The following PCDHB2 variants were observed in gnomAD, a reference collection of about 807,000 sequenced individuals.
PCDHB2 encodes protocadherin beta 2, also known as protocadherin beta-2.
For synonymous variants in PCDHB2, 395 were observed against 464.9 expected (o/e 0.85, Z 1.93); for missense variants, 914 against 1,023.1 (o/e 0.89, Z 1.45).
Position 141,095,284 on chromosome 5 carries a change from G to C in PCDHB2, c.494G>C (p.Gly165Ala). 1 of 1,614,074 alleles carries C rather than the reference G, an allele frequency of 6.2e-7. No homozygotes were observed. The highest frequency in any genetic ancestry group is 8.5e-7 in the Non-Finnish European group (1 of 1,179,974). Residue 165 changes from glycine (G) to alanine (A), a missense_variant, in exon 1 of 1, where the codon GGA becomes GCA. Coordinates refer to ENST00000194155, the MANE Select transcript of PCDHB2 (RefSeq NM_018936.4). ...GAACGTGCCCAGGACTTGGATGTAG[G>C]AACCAACAGTCTCCAAAATTACACA... ...LIERAQDLDV[G>A]TNSLQNYTIS...
Position 141,094,982 on chromosome 5 carries a change from G to C in PCDHB2, c.192G>C (p.Arg64Ser). The change falls in exon 1 of 1, where the codon AGG becomes AGC. Residue 64 changes from arginine to serine, a missense_variant. Coordinates refer to ENST00000194155, the MANE Select transcript of PCDHB2 (RefSeq NM_018936.4). The part of the protein sequence containing the change: ...LGLEIGELAV[R>S]GARVVSKGKK... Reference sequence around the variant, plus strand: ...TGGAGATAGGAGAACTTGCTGTGAGGGGGGCCAGGGTCGTTTCCAAAGGAA... The same window carrying C: ...TGGAGATAGGAGAACTTGCTGTGAGCGGGGCCAGGGTCGTTTCCAAAGGAA... The C allele has an allele frequency of 6.2e-7, 1 of 1,613,654 alleles. No individual in the cohort carries two copies. The highest frequency in any genetic ancestry group is 8.5e-7 in the Non-Finnish European group (1 of 1,179,888).
Position 141,095,317 on chromosome 5 carries a change from C to T in PCDHB2, c.527C>T (p.Pro176Leu). ...TNSLQNYTIS[P>L]NFHFHLNLQD... ...AGTCTCCAAAATTACACAATCAGTC[C>T]CAATTTCCACTTTCATCTTAATTTA... is the stretch of plus-strand genomic sequence containing the variant. The change falls in exon 1 of 1, where the codon CCC becomes CTC. Residue 176 changes from proline (P) to leucine (L), a missense_variant. Physicochemically the swap from Pro to Leu is moderately conservative, Grantham distance 98. Coordinates refer to ENST00000194155, the MANE Select transcript of PCDHB2 (RefSeq NM_018936.4). 7 of 1,613,854 alleles carry T rather than the reference C, an allele frequency of 4.3e-6. No homozygotes were observed. The highest frequency in any genetic ancestry group is 5.9e-6 in the Non-Finnish European group (7 of 1,179,878).
At position 141,094,765 on chromosome 5, in the gene PCDHB2, C is replaced by CA. The variant is rs1554271050; in HGVS notation, c.-25dup. 6.6e-7 allele frequency: 1 copy of CA among 1,508,348 alleles called. No homozygotes were observed. The highest frequency in any genetic ancestry group is 2.1e-5 in the Admixed American group (1 of 46,734). 93.4% of individuals were successfully genotyped at this position (1,508,348 alleles called of 1,614,324 possible). Reference sequence around the variant, plus strand: ...GCGACAACGTGAGCCAGAGCTGGAGCACGTTTGGTGAGAGACCAGAAAGCA... The same window carrying CA: ...GCGACAACGTGAGCCAGAGCTGGAGCAACGTTTGGTGAGAGACCAGAAAGCA... On this transcript the variant is annotated 5_prime_UTR_variant, in exon 1 of 1. Coordinates refer to ENST00000194155, the MANE Select transcript of PCDHB2 (RefSeq NM_018936.4).
rs1165090545 is a variant in PCDHB2 at position 141,096,430 on chromosome 5, C to T, written c.1640C>T (p.Ala547Val). Residue 547 changes from alanine to valine, a missense_variant, in exon 1 of 1, where the codon GCG (alanine) becomes GTG (valine). Ala to Val is a moderately conservative substitution (Grantham distance 64, BLOSUM62 0). Transcript: ENST00000194155. The part of the protein sequence containing the change: ...DRGSPALSSE[A>V]LVRVLVLDAN... ...GGCTCCCCGGCGTTGAGCAGCGAGG[C>T]GCTGGTGCGCGTGCTGGTGCTGGAC... 1 of 1,611,568 alleles carries T rather than the reference C, an allele frequency of 6.2e-7. No homozygotes were observed. The highest frequency in any genetic ancestry group is 2.2e-5 in the East Asian group (1 of 44,872).
chr5:141,096,336 T>G lies in PCDHB2; in HGVS notation c.1546T>G (p.Phe516Val). The part of the protein sequence containing the change: ...VSINADNGHL[F>V]ALQSLDYEAL... ...CATCAACGCGGACAACGGCCACCTG[T>G]TCGCTCTCCAGTCGCTGGACTACGA... The change falls in exon 1 of 1, where the codon TTC becomes GTC. Residue 516 changes from phenylalanine (F) to valine (V), a missense_variant. Physicochemically the swap from Phe to Val is conservative, Grantham distance 50 (BLOSUM62 -1). Coordinates refer to ENST00000194155, the MANE Select transcript of PCDHB2 (RefSeq NM_018936.4). The G allele has an allele frequency of 6.2e-7, 1 of 1,613,310 alleles. No individual in the cohort carries two copies. The highest frequency in any genetic ancestry group is 1.1e-5 in the South Asian group (1 of 91,050).
Position 141,095,801 on chromosome 5 carries a change from C to A in PCDHB2, c.1011C>A (p.Val337=), listed in dbSNP as rs1193914192. 3 of 1,613,950 alleles carry A rather than the reference C, an allele frequency of 1.9e-6. No homozygotes were observed. The highest frequency in any genetic ancestry group is 2.5e-6 in the Non-Finnish European group (3 of 1,180,028). The change falls in exon 1 of 1, where the codon GTC becomes GTA. Residue 337 remains valine, a synonymous_variant. Coordinates refer to ENST00000194155, the MANE Select transcript of PCDHB2 (RefSeq NM_018936.4). ...TATCTGGAACTTGTGTGGTATTTGTCCAAGTGATGGATTTGAATGACAATC... is the reference window on the plus strand; with the variant it reads ...TATCTGGAACTTGTGTGGTATTTGTACAAGTGATGGATTTGAATGACAATC... ...GGLSGTCVVF[V]QVMDLNDNPP...
In PCDHB2 at chr5:141,095,097, C is replaced by T; in HGVS notation, c.307C>T (p.Pro103Ser). ...DREELCGPTE[P>S]CVLPFQVLLE... ...GGAGGAGCTGTGCGGCCCCACAGAG[C>T]CCTGTGTCCTACCTTTCCAGGTGTT... The change falls in exon 1 of 1, where the codon CCC becomes TCC. Residue 103 changes from proline (P) to serine (S), a missense_variant. Pro to Ser is a moderately conservative substitution (Grantham distance 74). Coordinates refer to ENST00000194155, the MANE Select transcript of PCDHB2 (RefSeq NM_018936.4). The T allele has an allele frequency of 6.2e-7, 1 of 1,614,142 alleles. No homozygotes were observed.
rs1554271691 is a variant in PCDHB2, at chr5:141,096,966, C to T, written c.2176C>T (p.Arg726Cys). 6.2e-7 allele frequency: 1 copy of T among 1,612,550 alleles called. No individual in the cohort carries two copies. Among genetic ancestry groups the T allele is most frequent in the South Asian group, 1.1e-5 (1 of 90,988 alleles). ...GAGGAGCAGGGCGGCCTCGGTGGGT[C>T]GCTGCTCGGTGCCCGAGGGCCCCTT... is the stretch of plus-strand genomic sequence containing the variant. ...CRRSRAASVG[R>C]CSVPEGPFPG... Residue 726 changes from arginine (R) to cysteine (C), a missense_variant, in exon 1 of 1, where the codon CGC becomes TGC. Arg to Cys is a radical substitution (Grantham distance 180). Transcript: ENST00000194155.
chr5:141,096,699 G>A lies in PCDHB2; in HGVS notation c.1909G>A (p.Ala637Thr), dbSNP rs148561261. The A allele has an allele frequency of 4.5e-3, 7,206 of 1,610,614 alleles. 23 individuals carry two copies. Among genetic ancestry groups the A allele is most frequent in the Non-Finnish European group, 5.5e-3 (6,445 of 1,179,662 alleles). The change falls in exon 1 of 1, where the codon GCT becomes ACT. Residue 637 changes from alanine to threonine, a missense_variant. By Grantham distance (58) the Ala-to-Thr change is moderately conservative. Transcript: ENST00000194155. Reference protein sequence around the residue: ...RTARLLRERDAAKQRLVVLVK... With the variant: ...RTARLLRERDTAKQRLVVLVK... ...CGCCAGGCTGCTGAGGGAGCGCGAC[G>A]CTGCCAAGCAGAGGCTGGTGGTGCT...
rs868992973 is a variant in PCDHB2 at position 141,095,148 on chromosome 5, C to T, written c.358C>T (p.Gln120Ter). The change falls in exon 1 of 1, where the codon CAG becomes TAG. Residue 120 changes from glutamine (Q) to a stop codon, truncating the protein, a stop_gained. Transcript: ENST00000194155. LOFTEE classifies it low-confidence loss of function (END_TRUNC). ...ACTAGAAAATCCCTTGCAGTTTTTT[C>T]AGGCGGAGCTACGGATTAGGGACGT... ...VLLENPLQFF[Q>*]AELRIRDVND... The T allele has an allele frequency of 6.2e-7, 1 of 1,612,836 alleles. No homozygotes were observed. Among genetic ancestry groups the T allele is most frequent in the East Asian group, 2.2e-5 (1 of 44,850 alleles).
rs782127180 is a variant in PCDHB2 at position 141,096,896 on chromosome 5, C to T, written c.2106C>T (p.Leu702=). The change falls in exon 1 of 1, where the codon CTC becomes CTT. Residue 702 remains leucine (L), a synonymous_variant. Coordinates refer to ENST00000194155, the MANE Select transcript of PCDHB2 (RefSeq NM_018936.4). ...TGGCGTTGGCCTCGGTGTCTTCGCT[C>T]TTCCTCTTCTCGGTGCTCCTGTTCG... ...LVVALASVSS[L]FLFSVLLFVA... 2.4e-5 allele frequency: 38 copies of T among 1,612,124 alleles called. No individual in the cohort carries two copies. The South Asian group carries it at 4.1e-4, about 17-fold the overall frequency.
In PCDHB2 at chr5:141,095,401, G is replaced by C. The variant is rs782524277; in HGVS notation, c.611G>C (p.Arg204Pro). Residue 204 changes from arginine to proline, a missense_variant, in exon 1 of 1, where the codon CGC becomes CCC. Transcript: ENST00000194155. The part of the protein sequence containing the change: ...PQLVLNRALD[R>P]EEQPEIRLTL... ...CTGGTGCTGAACAGAGCCCTGGATC[G>C]CGAGGAGCAGCCTGAGATCAGGTTA... The C allele has an allele frequency of 1.9e-6, 3 of 1,614,098 alleles. No individual in the cohort carries two copies. Among genetic ancestry groups the C allele is most frequent in the Middle Eastern group, 1.6e-4 (1 of 6,062 alleles).
Position 141,096,134 on chromosome 5 carries a change from C to G in PCDHB2, c.1344C>G (p.Asp448Glu), listed in dbSNP as rs1751812317. 1 of 1,613,586 alleles carries G rather than the reference C, an allele frequency of 6.2e-7. No homozygotes were observed. Among genetic ancestry groups the G allele is most frequent in the African/African-American group, 1.3e-5 (1 of 74,924 alleles). Residue 448 changes from aspartate (D) to glutamate (E), a missense_variant, in exon 1 of 1, where the codon GAC becomes GAG. By Grantham distance (45) the Asp-to-Glu change is conservative (BLOSUM62 2). Coordinates refer to ENST00000194155, the MANE Select transcript of PCDHB2 (RefSeq NM_018936.4). ...NITVLVSDVN[D>E]NAPAFTQTSY... The stretch of plus-strand genomic sequence containing the variant: ...CCGTGCTGGTCTCCGACGTCAATGA[C>G]AACGCCCCCGCCTTCACCCAAACCT...
rs570558615 is a variant in PCDHB2 at position 141,094,698 on chromosome 5, C to A, written c.-93C>A. On this transcript the variant is annotated 5_prime_UTR_variant, in exon 1 of 1. Transcript: ENST00000194155. ...CGGGAAATCCGGGCCCTAGGATTGT[C>A]CACTCATCCCAGTATCAGCGAGATA... is the stretch of plus-strand genomic sequence containing the variant. The A allele has an allele frequency of 1.4e-5, 15 of 1,054,562 alleles. No homozygotes were observed. In the African/African-American group the frequency reaches 2.2e-4, roughly 16 times the overall value. 65.3% of individuals were successfully genotyped at this position (1,054,562 alleles called of 1,614,324 possible). A position where few individuals can be genotyped will look rare whatever the true frequency, so the allele number is the denominator to read the frequency against.
chr5:141,096,507 C>A lies in PCDHB2; in HGVS notation c.1717C>A (p.Pro573Thr). 6.2e-7 allele frequency: 1 copy of A among 1,608,350 alleles called. No individual in the cohort carries two copies. Among genetic ancestry groups the A allele is most frequent in the South Asian group, 1.1e-5 (1 of 90,820 alleles). The change falls in exon 1 of 1, where the codon CCC becomes ACC. Residue 573 changes from proline to threonine, a missense_variant. Coordinates refer to ENST00000194155, the MANE Select transcript of PCDHB2 (RefSeq NM_018936.4). Reference sequence around the variant, plus strand: ...GTACCCGCTGCAGAACGGCTCCGCGCCCTGCACCGAGCTGGTGCCCCGGGC... The same window carrying A: ...GTACCCGCTGCAGAACGGCTCCGCGACCTGCACCGAGCTGGTGCCCCGGGC... ...VLYPLQNGSA[P>T]CTELVPRAAE...
rs782117390 is a variant in PCDHB2, at chr5:141,097,001, G to T, written c.2211G>T (p.Gln737His). 90 of 1,613,610 alleles carry T rather than the reference G, an allele frequency of 5.6e-5. No homozygotes were observed. Among genetic ancestry groups the T allele is most frequent in the South Asian group, 2.5e-4 (23 of 91,026 alleles). ...TGCCCGAGGGCCCCTTTCCAGGGCA[G>T]ATGGTGGACGTGAGCGGCACCGGGA... ...CSVPEGPFPG[Q>H]MVDVSGTGTL... Residue 737 changes from glutamine (Q) to histidine (H), a missense_variant, in exon 1 of 1, where the codon CAG becomes CAT. Gln to His is a conservative substitution (Grantham distance 24, BLOSUM62 0). Coordinates refer to ENST00000194155, the MANE Select transcript of PCDHB2 (RefSeq NM_018936.4).
chr5:141,097,505 G>T lies in PCDHB2; in HGVS notation c.*318G>T. 4.4e-6 allele frequency: 1 copy of T among 229,048 alleles called. No individual in the cohort carries two copies. Among genetic ancestry groups the T allele is most frequent in the Non-Finnish European group, 8.6e-6 (1 of 116,908 alleles). The allele number at this position is 229,048 out of a possible 1,614,324, so 14.2% of individuals were successfully genotyped here. Reference sequence around the variant, plus strand: ...ACAGTCTATGGTCCTAGATAATTTTGAAGTCCTACATTTGAAAATATTTGT... The same window carrying T: ...ACAGTCTATGGTCCTAGATAATTTTTAAGTCCTACATTTGAAAATATTTGT... On this transcript the variant is annotated 3_prime_UTR_variant, in exon 1 of 1. Transcript: ENST00000194155.
In PCDHB2 at chr5:141,095,515, C is replaced by G. The variant is rs782559986; in HGVS notation, c.725C>G (p.Pro242Arg). 1 of 1,614,078 alleles carries G rather than the reference C, an allele frequency of 6.2e-7. No homozygotes were observed. Among genetic ancestry groups the G allele is most frequent in the South Asian group, 1.1e-5 (1 of 91,068 alleles). Residue 242 changes from proline to arginine, a missense_variant, in exon 1 of 1, where the codon CCA (proline) becomes CGA (arginine). Coordinates refer to ENST00000194155, the MANE Select transcript of PCDHB2 (RefSeq NM_018936.4). ...GTTGTGGACATCAATGACAACGTCC[C>G]AGAGTTTGCAAAGCTGCTCTATGAG... ...IEVVDINDNV[P>R]EFAKLLYEVQ... is the part of the protein sequence containing the mutation.
Position 141,096,797 on chromosome 5 carries a change from C to T in PCDHB2, c.2007C>T (p.Ser669=). Residue 669 remains serine (S), a synonymous_variant, in exon 1 of 1, where the codon TCC becomes TCT. Transcript: ENST00000194155. ...ACGTGCTCCTGGTGGACGGCTTCTC[C>T]CAGCCCTACCTGCTGCTCCCGGAGG... ...TLHVLLVDGF[S]QPYLLLPEAA... 2 of 1,610,230 alleles carry T rather than the reference C, an allele frequency of 1.2e-6. No individual in the cohort carries two copies. Among genetic ancestry groups the T allele is most frequent in the Non-Finnish European group, 1.7e-6 (2 of 1,179,684 alleles).
Sources: allele counts gnomAD v4.1 joint callset, GRCh38; gene constraint gnomAD v4.1.1; transcripts MANE v1.5; gene names NCBI Gene and HGNC (gene_info 2026-07-23, HGNC 2026-07-21).